RPL39L: variants seen among roughly 807,000 people sequenced by gnomAD.
The protein encoded by RPL39L is ribosomal protein eL39-like 2.
For missense variants in RPL39L, 48 were observed against 58.9 expected (o/e 0.81, Z 0.61); for synonymous variants, 16 against 20.1 (o/e 0.80, Z 0.55).
At chr3:187,123,324 T>A (rs1019743983) in intron 2 of RPL39L, among the ~76,000 whole-genome samples, 1 of 152,214 alleles carries the variant, frequency 6.6e-6, no homozygotes, top group Non-Finnish European at 1.5e-5. Context: ...AGTATCCTTG[T>A]AGGAGTCTAC....
chr3:187,125,772 TAA>T (rs981980763), intron 2 of RPL39L, among the ~76,000 whole-genome samples: 1 of 152,172 alleles, frequency 6.6e-6, no homozygotes, highest in Non-Finnish European at 1.5e-5. Flanking sequence ...TGTAAAATAA[TAA>T]GTCTTCCCTG....
chr3:187,125,155 G>C (rs1720376705), intron 2 of RPL39L, among the ~76,000 whole-genome samples: 1 of 152,126 alleles, frequency 6.6e-6, no homozygotes, highest in African/African-American at 2.4e-5. Flanking sequence ...ATAAGGAAGT[G>C]GTTAAACTGA....
chr3:187,126,794 T>C (rs1365662182), intron 2 of RPL39L, among the ~76,000 whole-genome samples: 1 of 152,108 alleles, frequency 6.6e-6, no homozygotes, highest in East Asian at 1.9e-4. Flanking sequence ...CATTTCAGAG[T>C]ACAGGGGAGA....
At chr3:187,137,175 G>A (rs1283639831) in intron 1 of RPL39L, among the ~76,000 whole-genome samples, 2 of 131,488 alleles carry the variant, frequency 1.5e-5, no homozygotes, top group Non-Finnish European at 3.1e-5. Flanking sequence ...CTCCAGCTTG[G>A]GCAACAGAAC....
At chr3:187,138,807 C>T (rs1579416980) in intron 1 of RPL39L, among the ~76,000 whole-genome samples, 1 of 152,310 alleles carries the variant, frequency 6.6e-6, no homozygotes, top group East Asian at 1.9e-4. Context: ...CGCCTGTAAT[C>T]CCAGCACTTT....
chr3:187,134,948 A>G (rs1368838093), intron 1 of RPL39L, among the ~76,000 whole-genome samples: 1 of 152,236 alleles, frequency 6.6e-6, no homozygotes, highest in Non-Finnish European at 1.5e-5. Flanking sequence ...TGATCAGTTG[A>G]AAGGTGCTGT....
Position 187,125,166 on chromosome 3 carries a change from G to A in RPL39L, c.-29+2833C>T, listed in dbSNP as rs539654600. 2.6e-5 allele frequency among the ~76,000 whole-genome samples: 4 copies of A among 152,310 alleles called. No homozygotes were observed. In the South Asian group the frequency reaches 6.2e-4, roughly 24 times the overall value. The stretch of plus-strand genomic sequence containing the variant: ...GTCTATAAGGAAGTGGTTAAACTGA[G>A]TGGGCTTCATGGTGGTCCTGGCTCT... On this transcript the variant is annotated intron_variant, in intron 2 of 2. Transcript: ENST00000296277.
At chr3:187,137,380 C>T (rs922372479) in intron 1 of RPL39L, among the ~76,000 whole-genome samples, 3 of 151,146 alleles carry the variant, frequency 2.0e-5, no homozygotes, top group African/African-American at 7.3e-5. Context: ...CGTGGTGGCA[C>T]ATGCCTGTAG....
At chr3:187,124,268 G>A (rs1720361541) in intron 2 of RPL39L, among the ~76,000 whole-genome samples, 1 of 152,110 alleles carries the variant, frequency 6.6e-6, no homozygotes, top group Admixed American at 6.5e-5. Context: ...CTAAGTACTG[G>A]AGATACACAC....
intron 1 of RPL39L, among the ~76,000 whole-genome samples, chr3:187,131,493 G>A (rs539433428): frequency 3.7e-4 from 57 of 152,234 alleles, no homozygotes; most frequent in African/African-American, 1.4e-3. Context: ...GCCAAATCAC[G>A]CCACTGCACT....
intron 2 of RPL39L, among the ~76,000 whole-genome samples, chr3:187,121,746 C>G (rs1419185642): frequency 1.3e-5 from 2 of 152,082 alleles, no homozygotes; most frequent in Admixed American, 6.5e-5. Flanking sequence ...TAGAAAAAGC[C>G]CCAATATTAA....
At chr3:187,122,566 T>A (rs1033673316) in intron 2 of RPL39L, among the ~76,000 whole-genome samples, 1 of 151,906 alleles carries the variant, frequency 6.6e-6, no homozygotes, top group Non-Finnish European at 1.5e-5. Context: ...ATGTCTGGCA[T>A]CTCCCCTAAC....
intron 1 of RPL39L, among the ~76,000 whole-genome samples, chr3:187,138,435 G>C (rs936339265): frequency 2.0e-5 from 3 of 152,180 alleles, no homozygotes; most frequent in Non-Finnish European, 2.9e-5. Context: ...GATTCCTTGG[G>C]CTATCTTTGA....
chr3:187,129,931 T>C (rs1343221016), intron 1 of RPL39L, among the ~76,000 whole-genome samples: 2 of 151,748 alleles, frequency 1.3e-5, no homozygotes, highest in African/African-American at 4.8e-5. Context: ...TATTGTATCA[T>C]CTAGGTCACC....
At chr3:187,132,436 T>C (rs1225698680) in intron 1 of RPL39L, among the ~76,000 whole-genome samples, 2 of 152,168 alleles carry the variant, frequency 1.3e-5, no homozygotes, top group Non-Finnish European at 2.9e-5. Context: ...AAGGAATAGG[T>C]GCGGACCCAC....
rs76730523 is a variant in RPL39L, at chr3:187,121,096, C to T, written c.*49G>A. ...TTTCAGCTTGATATCGTAAGATGAT[C>T]GTGAACTTGATACAGCATAAATATG... is the stretch of plus-strand genomic sequence containing the variant. On this transcript the variant is annotated 3_prime_UTR_variant, in exon 3 of 3. Transcript: ENST00000296277. The T allele has an allele frequency of 3.3e-4, 530 of 1,597,458 alleles. 1 individual carries two copies. In the Middle Eastern group the frequency reaches 4.2e-3, roughly 13 times the overall value.
chr3:187,130,163 G>A (rs4686455), intron 1 of RPL39L, among the ~76,000 whole-genome samples: 29,081 of 151,950 alleles, frequency 0.19, 3,184 homozygotes, highest in Non-Finnish European at 0.2. Flanking sequence ...ACAAGAACCA[G>A]TCTTGGGATT....
chr3:187,134,483 T>TAAAAAAAAGAAAAAAAAAAAAAAAAA (rs1720539115), intron 1 of RPL39L, among the ~76,000 whole-genome samples: 4 of 93,424 alleles, frequency 4.3e-5, no homozygotes, highest in African/African-American at 1.3e-4. Flanking sequence ...GCCTGACTGA[T>TAAAAAAAAGAAAAAAAAAAAAAAAAA]AAAAAAAAAA....
chr3:187,137,899 A>G (rs963415653), intron 1 of RPL39L, among the ~76,000 whole-genome samples: 1 of 151,968 alleles, frequency 6.6e-6, no homozygotes, highest in Non-Finnish European at 1.5e-5. Flanking sequence ...CTTTTTTCAG[A>G]CCAGCCACAT....
Sources: gnomAD v4.1 joint callset for allele counts (sites outside exome capture counted in the v4.1 genomes callset) on GRCh38, gnomAD v4.1.1 for gene constraint, MANE v1.5 for transcripts, NCBI Gene and HGNC (gene_info 2026-07-23, HGNC 2026-07-21) for gene names.